Variants in GNA14 observed in about 807,000 individuals in gnomAD.
The protein encoded by GNA14 is guanine nucleotide-binding protein subunit alpha-14.
GNA14 carries 50 observed loss-of-function variants against 42.0 expected under a neutral mutation model. That is an observed-to-expected ratio of 1.19 (90% CI 0.95 to 1.51). The LOEUF (loss-of-function observed/expected upper bound fraction) is 1.51, where lower values mean the gene tolerates loss of function less well. GNA14 is among the 40% of genes most tolerant of loss of function. The pLI is 0.00. For missense variants in GNA14, 473 were observed against 446.2 expected, an observed-to-expected ratio of 1.06 and a Z score of -0.54; for synonymous variants, 173 against 163.1, an observed-to-expected ratio of 1.06 and a Z score of -0.46.
chr9:77,539,781 T>A (rs1480644202), intron 1 of GNA14, among the ~76,000 whole-genome samples: 1 of 152,202 alleles, frequency 6.6e-6, no homozygotes, highest in Non-Finnish European at 1.5e-5. Flanking sequence ...TCCTCTAGGT[T>A]TTCAGCTTAT....
At chr9:77,581,825 G>A (rs76712947) in intron 1 of GNA14, among the ~76,000 whole-genome samples, 5,597 of 152,184 alleles carry the variant, frequency 0.037, 112 homozygotes, top group South Asian at 0.063. Flanking sequence ...TTCATCTGTT[G>A]GTGGCTCTCC....
In GNA14 at chr9:77,526,234, A is replaced by C. The variant is rs536989266; in HGVS notation, c.309+2835T>G. Among the ~76,000 whole-genome samples, 24 of 152,008 alleles carry C rather than the reference A, an allele frequency of 1.6e-4. No homozygotes were observed. In the South Asian group the frequency reaches 4.6e-3, roughly 29 times the overall value. ...GCCTGATTTGGGACTTTTTGAGTTG[A>C]TATTTGGATTAGAATTGGGTCTTAG... On this transcript the variant is annotated intron_variant, in intron 2 of 6. Coordinates refer to ENST00000341700, the MANE Select transcript of GNA14 (RefSeq NM_004297.4).
intron 2 of GNA14, among the ~76,000 whole-genome samples, chr9:77,512,525 T>C (rs928902286): frequency 1.3e-5 from 2 of 152,218 alleles, no homozygotes; most frequent in African/African-American, 4.8e-5. Context: ...AGGGAAATTA[T>C]CTTTTCCCAC....
chr9:77,579,340 C>T (rs1052482755), intron 1 of GNA14, among the ~76,000 whole-genome samples: 9 of 152,104 alleles, frequency 5.9e-5, no homozygotes, highest in African/African-American at 1.9e-4. Flanking sequence ...CTGCAGGGCG[C>T]GTATGTGTAG....
intron 3 of GNA14, among the ~76,000 whole-genome samples, chr9:77,434,159 A>C (rs538324239): frequency 6.6e-5 from 10 of 152,316 alleles, no homozygotes; most frequent in Admixed American, 2.0e-4. Flanking sequence ...GTCGGCAGGA[A>C]GAGAGGTCTG....
In GNA14 at chr9:77,578,102, C is replaced by T. The variant is rs144009861; in HGVS notation, c.125-48849G>A. On this transcript the variant is annotated intron_variant, in intron 1 of 6. Coordinates refer to ENST00000341700, the MANE Select transcript of GNA14 (RefSeq NM_004297.4). ...CCAACATGGTGAAATGGTGAAACTC[C>T]GTCTCTACTAAAAAAATACAAAAAT... Among the ~76,000 whole-genome samples, 572 of 152,102 alleles carry T rather than the reference C, an allele frequency of 3.8e-3. 15 individuals carry two copies. Among genetic ancestry groups the T allele is most frequent in the Admixed American group, 0.034 (515 of 15,266 alleles).
At chr9:77,503,173 T>A (rs574338374) in intron 2 of GNA14, among the ~76,000 whole-genome samples, 1 of 152,362 alleles carries the variant, frequency 6.6e-6, no homozygotes, top group South Asian at 2.1e-4. Context: ...AAAGTATGCC[T>A]ACTCTATGTT....
At chr9:77,513,844 T>G (rs1367179938) in intron 2 of GNA14, among the ~76,000 whole-genome samples, 1 of 152,246 alleles carries the variant, frequency 6.6e-6, no homozygotes, top group Non-Finnish European at 1.5e-5. Context: ...GTCACCTTAT[T>G]GTTTGCTGTT....
intron 2 of GNA14, among the ~76,000 whole-genome samples, chr9:77,452,568 GTGTA>G (rs1407912310): frequency 0.14 from 2,077 of 14,686 alleles, 33 homozygotes; most frequent in Middle Eastern, 0.29. Context: ...GTGTGTGTGT[GTGTA>G]TGTGCATGTG....
chr9:77,515,960 C>CCAA (rs1837248590), intron 2 of GNA14, among the ~76,000 whole-genome samples: 1 of 52,736 alleles, frequency 1.9e-5, no homozygotes, highest in Non-Finnish European at 3.5e-5. Context: ...CCCTGTCTCA[C>CCAA]AAAAAAAAAA....
At chr9:77,633,385 T>A (rs1437409839) in intron 1 of GNA14, among the ~76,000 whole-genome samples, 1 of 152,056 alleles carries the variant, frequency 6.6e-6, no homozygotes, top group Non-Finnish European at 1.5e-5. Context: ...CCGTTGAAGA[T>A]TCTAAAATAT....
At chr9:77,632,396 T>G (rs1824112312) in intron 1 of GNA14, among the ~76,000 whole-genome samples, 1 of 152,158 alleles carries the variant, frequency 6.6e-6, no homozygotes, top group African/African-American at 2.4e-5. Flanking sequence ...GAGTGGGAAC[T>G]TGTGGTGCCT....
intron 2 of GNA14, among the ~76,000 whole-genome samples, chr9:77,525,268 A>G (rs2131764608): frequency 6.6e-6 from 1 of 152,320 alleles, no homozygotes; most frequent in African/African-American, 2.4e-5. Flanking sequence ...AAAAGTTTGC[A>G]GACTCCAGCC....
chr9:77,572,973 A>G (rs1393299154), intron 1 of GNA14, among the ~76,000 whole-genome samples: 1 of 152,228 alleles, frequency 6.6e-6, no homozygotes, highest in African/African-American at 2.4e-5. Context: ...ATAAGCCAAC[A>G]ATATACTGTC....
chr9:77,587,892 G>T (rs1333530472), intron 1 of GNA14, among the ~76,000 whole-genome samples: 2 of 152,150 alleles, frequency 1.3e-5, no homozygotes, highest in East Asian at 3.9e-4. Flanking sequence ...GGGTTGGAGG[G>T]CTCTGTTCCT....
At chr9:77,634,417 G>GAAA (rs11384727) in intron 1 of GNA14, among the ~76,000 whole-genome samples, 13 of 84,720 alleles carry the variant, frequency 1.5e-4, no homozygotes, top group African/African-American at 3.3e-4. Context: ...GTCTCAAAAA[G>GAAA]AAAAAAAAAA....
rs1423546014 is a variant in GNA14, at chr9:77,516,948, C to T, written c.309+12121G>A. 3.9e-5 allele frequency among the ~76,000 whole-genome samples: 6 copies of T among 152,290 alleles called. No individual in the cohort carries two copies. The East Asian group carries it at 7.7e-4, about 20-fold the overall frequency. ...AGAACAGGCTCTTGATTTCCCTTAA[C>T]ACAGAGCCCACTGTTGGCTGGACTC... On this transcript the variant is annotated intron_variant, in intron 2 of 6. Coordinates refer to ENST00000341700, the MANE Select transcript of GNA14 (RefSeq NM_004297.4).
intron 1 of GNA14, among the ~76,000 whole-genome samples, chr9:77,623,018 C>G (rs1314802736): frequency 6.7e-6 from 1 of 150,264 alleles, no homozygotes; most frequent in Non-Finnish European, 1.5e-5. Context: ...AGTTTAAGAC[C>G]AGCCTGGCCA....
intron 1 of GNA14, among the ~76,000 whole-genome samples, chr9:77,600,371 T>A (rs1199717958): frequency 6.6e-6 from 1 of 152,202 alleles, no homozygotes; most frequent in African/African-American, 2.4e-5. Context: ...TTTAAACCAT[T>A]TTTTCTTGTG....
Sources: gnomAD v4.1 joint callset for allele counts (sites outside exome capture counted in the v4.1 genomes callset) on GRCh38, gnomAD v4.1.1 for gene constraint, MANE v1.5 for transcripts, NCBI Gene and HGNC (gene_info 2026-07-23, HGNC 2026-07-21) for gene names.